The following ADAM32 variants were observed in gnomAD, a reference collection of about 807,000 sequenced individuals.
ADAM32 encodes disintegrin and metalloproteinase domain-containing protein 32.
A neutral mutation model predicts 114.9 loss-of-function variants in ADAM32; 89 were observed. That is an observed-to-expected ratio of 0.77 (90% CI 0.65 to 0.92). The LOEUF (loss-of-function observed/expected upper bound fraction) is 0.92. ADAM32 is among the 40% of genes least tolerant of loss of function. The pLI is 0.00. For missense variants in ADAM32, 870 were observed against 932.8 expected, an observed-to-expected ratio of 0.93 and a Z score of 0.88; for synonymous variants, 285 against 307.5, an observed-to-expected ratio of 0.93 and a Z score of 0.77.
At chr8:39,149,617 G>A (rs188744410) in intron 4 of ADAM32, among the ~76,000 whole-genome samples, 174 bp from the exon 5 acceptor site, 2 of 152,114 alleles carry the variant, frequency 1.3e-5, no homozygotes, top group African/African-American at 4.8e-5. Context: ...AGTTAACATA[G>A]TGTAAGTGGC....
chr8:39,127,767 G>T (rs1365776289), intron 2 of ADAM32, among the ~76,000 whole-genome samples: 2 of 152,064 alleles, frequency 1.3e-5, no homozygotes, highest in African/African-American at 4.8e-5. Flanking sequence ...TTGTTGTGAT[G>T]TTAGGTTGTT....
At chr8:39,112,695 A>T (rs1382871019) in intron 1 of ADAM32, among the ~76,000 whole-genome samples, 2 of 152,286 alleles carry the variant, frequency 1.3e-5, no homozygotes, top group East Asian at 3.9e-4. Context: ...TTAAACTATC[A>T]CCACCCCCTT....
chr8:39,282,134 G>T (rs764363694), intron 23 of ADAM32, among the ~76,000 whole-genome samples: 1 of 152,198 alleles, frequency 6.6e-6, no homozygotes, highest in Non-Finnish European at 1.5e-5. Flanking sequence ...CACCAAGGGA[G>T]TTGTGATAGA....
chr8:39,115,984 T>C (rs1564426100), intron 1 of ADAM32, among the ~76,000 whole-genome samples: 1 of 152,242 alleles, frequency 6.6e-6, no homozygotes, highest in Non-Finnish European at 1.5e-5. Context: ...CACCATTTAT[T>C]GGATAGAGAG....
intron 17 of ADAM32, among the ~76,000 whole-genome samples, chr8:39,247,750 A>G (rs1021444689): frequency 1.3e-5 from 2 of 148,764 alleles, no homozygotes; most frequent in African/African-American, 4.9e-5. Flanking sequence ...GTATCTAAAA[A>G]GTCTATGCAA....
chr8:39,173,771 T>G (rs1585455443), intron 10 of ADAM32, among the ~76,000 whole-genome samples: 1 of 152,298 alleles, frequency 6.6e-6, no homozygotes, highest in African/African-American at 2.4e-5. Context: ...GCCTAGATTT[T>G]CTTCAAAGGT....
chr8:39,199,408 G>T (rs935153292), intron 11 of ADAM32, among the ~76,000 whole-genome samples: 1 of 152,012 alleles, frequency 6.6e-6, no homozygotes, highest in Non-Finnish European at 1.5e-5. Context: ...TATATAATTT[G>T]TCTGATCAGG....
At chr8:39,201,021 C>T (rs1807362457) in intron 11 of ADAM32, among the ~76,000 whole-genome samples, 1 of 152,162 alleles carries the variant, frequency 6.6e-6, no homozygotes, top group African/African-American at 2.4e-5. Flanking sequence ...GTTTTGGTTA[C>T]TGTAGCCTTG....
chr8:39,200,094 G>A (rs916555814), intron 11 of ADAM32, among the ~76,000 whole-genome samples: 1 of 152,172 alleles, frequency 6.6e-6, no homozygotes, highest in African/African-American at 2.4e-5. Flanking sequence ...GTGTGCATGT[G>A]TCTTTATAGC....
intron 19 of ADAM32, among the ~76,000 whole-genome samples, chr8:39,261,651 A>C (rs938565912): frequency 1.3e-5 from 2 of 152,028 alleles, no homozygotes; most frequent in Non-Finnish European, 2.9e-5. Context: ...CATAGTGGCT[A>C]TCCTAGTTTA....
intron 11 of ADAM32, among the ~76,000 whole-genome samples, chr8:39,197,571 ACC>A: frequency 6.6e-6 from 1 of 151,928 alleles, no homozygotes; most frequent in Non-Finnish European, 1.5e-5. Context: ...TTATTCATTG[ACC>A]CAATGGTTAT....
In ADAM32 at chr8:39,111,714, CTT is replaced by C. The variant is rs1166044689; in HGVS notation, c.58+3883_58+3884del. Reference sequence around the variant, plus strand: ...CCAGCCTGGGCAACAGAGCAAGACTCTTTCTCAAAAAAAAAAAAAAAAAAAAA... The same window carrying C: ...CCAGCCTGGGCAACAGAGCAAGACTCTCTCAAAAAAAAAAAAAAAAAAAAA... On this transcript the variant is annotated intron_variant, in intron 1 of 24. Transcript: ENST00000379907. 4.0e-3 allele frequency among the ~76,000 whole-genome samples: 370 copies of C among 93,660 alleles called. 2 individuals carry two copies. The highest frequency in any genetic ancestry group is 4.3e-3 in the Non-Finnish European group (221 of 50,874). 61.4% of individuals were successfully genotyped at this position (93,660 alleles called of 152,430 possible).
chr8:39,195,105 C>A (rs1339358961), intron 11 of ADAM32, among the ~76,000 whole-genome samples: 1 of 152,112 alleles, frequency 6.6e-6, no homozygotes. Context: ...AGGTTCCCAG[C>A]TTCCTCCCCC....
chr8:39,133,526 G>A (rs1802591068), intron 2 of ADAM32, among the ~76,000 whole-genome samples: 1 of 152,172 alleles, frequency 6.6e-6, no homozygotes, highest in Admixed American at 6.5e-5. Flanking sequence ...TGGGGCCTTG[G>A]GCCCTGGGCA....
chr8:39,272,036 G>T (rs1812762536), intron 20 of ADAM32, among the ~76,000 whole-genome samples: 1 of 150,762 alleles, frequency 6.6e-6, no homozygotes, highest in Non-Finnish European at 1.5e-5. Flanking sequence ...GGAGGCTGAG[G>T]TGGGAGGATT....
rs1188264984 is a variant in ADAM32, at chr8:39,211,352, TAATA to T, written c.1233+32_1233+35del. ...AAGTATGATAACTAGGAAAATTGATTAATAAATTTATTGTTTTAATTTATCTTTT... is the reference window on the plus strand; with the variant it reads ...AAGTATGATAACTAGGAAAATTGATTAATTTATTGTTTTAATTTATCTTTT... On this transcript the variant is annotated intron_variant, in intron 12 of 24. Coordinates refer to ENST00000379907, the MANE Select transcript of ADAM32 (RefSeq NM_145004.7). 3 of 1,424,682 alleles carry T rather than the reference TAATA, an allele frequency of 2.1e-6. 1 individual carries two copies. The South Asian group carries it at 4.8e-5, about 23-fold the overall frequency. 88.3% of individuals were successfully genotyped at this position (1,424,682 alleles called of 1,614,324 possible).
At chr8:39,201,621 C>G (rs1187562089) in intron 11 of ADAM32, among the ~76,000 whole-genome samples, 1 of 152,186 alleles carries the variant, frequency 6.6e-6, no homozygotes, top group Non-Finnish European at 1.5e-5. Flanking sequence ...CCCTTTATTT[C>G]TTTCTCCTGC....
chr8:39,110,366 C>T (rs959245745), intron 1 of ADAM32, among the ~76,000 whole-genome samples: 1 of 152,146 alleles, frequency 6.6e-6, no homozygotes, highest in Admixed American at 6.5e-5. Context: ...CCGCTGCACC[C>T]GGCCGCTTTT....
chr8:39,230,132 C>T (rs1052196900), intron 14 of ADAM32, among the ~76,000 whole-genome samples: 1 of 152,024 alleles, frequency 6.6e-6, no homozygotes, highest in African/African-American at 2.4e-5. Context: ...TCAAAGCATT[C>T]GATAATAGGG....
Sources: gnomAD v4.1 joint callset for allele counts (sites outside exome capture counted in the v4.1 genomes callset) on GRCh38, gnomAD v4.1.1 for gene constraint, MANE v1.5 for transcripts, NCBI Gene and HGNC (gene_info 2026-07-23, HGNC 2026-07-21) for gene names.